Variants in ERV3-1 observed in about 807,000 individuals in gnomAD.
The protein encoded by ERV3-1 is endogenous retrovirus group 3 member 1 Env polyprotein.
A neutral mutation model predicts 24.6 loss-of-function variants in ERV3-1; 36 were observed. The ratio of observed to expected loss-of-function variants is 1.47; its 90% CI spans 1.12 to 1.94. The LOEUF is 1.94. Among genes scored for constraint, ERV3-1 ranks in the 30% most tolerant of loss-of-function variants. ERV3-1 has a pLI of 0.00. For missense variants in ERV3-1, 578 were observed against 330.9 expected, an observed-to-expected ratio of 1.75 and a Z score of -5.79; for synonymous variants, 211 against 122.6, an observed-to-expected ratio of 1.72 and a Z score of -4.76.
Position 64,993,239 on chromosome 7 carries a change from T to C in ERV3-1, c.-213A>G, listed in dbSNP as rs1461541928. ...TGTCTCCTCAAGCTTCAGCCGTGTG[T>C]GGACTGGTCAGCTTCCGGAGTGACC... On this transcript the variant is annotated 5_prime_UTR_variant, in exon 2 of 2. Transcript: ENST00000394323. The C allele has an allele frequency of 1.9e-6, 1 of 538,628 alleles. No individual in the cohort carries two copies. The highest frequency in any genetic ancestry group is 3.3e-6 in the Non-Finnish European group (1 of 301,268). The allele number at this position is 538,628 out of a possible 1,614,324, so 33.4% of individuals were successfully genotyped here.
In ERV3-1 at chr7:65,006,614, G is replaced by A; in HGVS notation, c.-462C>T. On this transcript the variant is annotated 5_prime_UTR_variant, in exon 1 of 2. Transcript: ENST00000394323. ...AATACCTGCAGGTAACGAGGCCACA[G>A]AAGCTGGGCCTCTAGGAGCAGAAGA... is the stretch of plus-strand genomic sequence containing the variant. The A allele has an allele frequency of 1.9e-6, 3 of 1,556,938 alleles. No individual in the cohort carries two copies. Among genetic ancestry groups the A allele is most frequent in the Non-Finnish European group, 2.7e-6 (3 of 1,129,856 alleles).
chr7:65,006,310 C>T (rs992273554), intron 1 of ERV3-1: 85 of 681,136 alleles, frequency 1.2e-4, no homozygotes, highest in Non-Finnish European at 2.0e-4. Context: ...GACTCCAGAA[C>T]AAGGCACAGT....
At chr7:65,001,875 C>G (rs1047863217) in intron 1 of ERV3-1, among the ~76,000 whole-genome samples, 6 of 152,236 alleles carry the variant, frequency 3.9e-5, no homozygotes, top group Admixed American at 3.9e-4. Flanking sequence ...TCTCACAACA[C>G]TGTCTTCACT....
chr7:64,997,457 C>T (rs7803418), intron 1 of ERV3-1, among the ~76,000 whole-genome samples: 145,285 of 152,272 alleles, frequency 0.95, 69,693 homozygotes, highest in East Asian at 1. Context: ...TAAAACTGAC[C>T]AGGACTTTAA....
At chr7:65,003,362 A>G (rs1388475095) in intron 1 of ERV3-1, among the ~76,000 whole-genome samples, 1 of 152,170 alleles carries the variant, frequency 6.6e-6, no homozygotes, top group East Asian at 1.9e-4. Context: ...CCTGCCTGTA[A>G]TCCCAGCTAC....
intron 1 of ERV3-1, among the ~76,000 whole-genome samples, chr7:64,996,236 G>C: frequency 6.6e-6 from 1 of 152,270 alleles, no homozygotes; most frequent in African/African-American, 2.4e-5. Context: ...GAGTGTTCCA[G>C]GGTGACTGGC....
intron 1 of ERV3-1, among the ~76,000 whole-genome samples, chr7:64,993,958 C>T (rs1027183559): frequency 6.6e-6 from 1 of 152,190 alleles, no homozygotes; most frequent in Non-Finnish European, 1.5e-5. Flanking sequence ...CCTAGAGTCA[C>T]AGACAGTCCA....
In ERV3-1 at chr7:65,003,719, A is replaced by C. The variant is rs568724081; in HGVS notation, c.-389+2822T>G. The C allele has an allele frequency of 4.6e-5, 7 of 152,270 alleles. No homozygotes were observed. In the East Asian group the frequency reaches 1.3e-3, roughly 29 times the overall value. 9.4% of individuals were successfully genotyped at this position (152,270 alleles called of 1,614,324 possible). A position where few individuals can be genotyped will look rare whatever the true frequency, so the allele number is the denominator to read the frequency against. ...CAAAAGCATTTATTCCTTTAAGACA[A>C]TATGTTATTATTTCCATTAAAAATC... On this transcript the variant is annotated intron_variant, in intron 1 of 1. Transcript: ENST00000394323.
chr7:65,001,210 T>C (rs934050050), intron 1 of ERV3-1, among the ~76,000 whole-genome samples: 6 of 152,178 alleles, frequency 3.9e-5, no homozygotes, highest in Admixed American at 2.0e-4. Context: ...GGGTGGGGGA[T>C]AGCATAATGT....
chr7:64,996,323 G>T (rs763958602), intron 1 of ERV3-1, among the ~76,000 whole-genome samples: 1 of 152,110 alleles, frequency 6.6e-6, no homozygotes, highest in African/African-American at 2.4e-5. Flanking sequence ...GGGAAAGTGG[G>T]TACTGACAAA....
chr7:65,005,372 C>T (rs1249508218), intron 1 of ERV3-1, among the ~76,000 whole-genome samples: 1 of 152,112 alleles, frequency 6.6e-6, no homozygotes, highest in African/African-American at 2.4e-5. Context: ...GTTTCTGTGG[C>T]TAGAGGCAAT....
chr7:65,006,554 C>G lies in ERV3-1; in HGVS notation c.-402G>C. 1 of 1,576,536 alleles carries G rather than the reference C, an allele frequency of 6.3e-7. No homozygotes were observed. The highest frequency in any genetic ancestry group is 8.7e-7 in the Non-Finnish European group (1 of 1,147,512). ...CGGCACTCTCACCATTTCTAGGCTT[C>G]CAGTGGGTCCTGGCGTCTTAGCTGT... On this transcript the variant is annotated 5_prime_UTR_variant, in exon 1 of 2. Transcript: ENST00000394323.
intron 1 of ERV3-1, among the ~76,000 whole-genome samples, chr7:65,001,034 T>C (rs1786508890): frequency 6.6e-6 from 1 of 151,890 alleles, no homozygotes; most frequent in Non-Finnish European, 1.5e-5. Context: ...TGAGGCCTAG[T>C]TTAGGGTGGA....
rs1470303705 is a variant in ERV3-1 at position 64,993,216 on chromosome 7, TCTC to T, written c.-193_-191del. The T allele has an allele frequency of 1.2e-5, 7 of 574,042 alleles. No individual in the cohort carries two copies. The African/African-American group carries it at 1.3e-4, about 11-fold the overall frequency. The allele number at this position is 574,042 out of a possible 1,614,324, so 35.6% of individuals were successfully genotyped here. A position where few individuals can be genotyped will look rare whatever the true frequency, so the allele number is the denominator to read the frequency against. ...TGGGGTGACTAGAGCAGGGCTGTTGTCTCCTCAAGCTTCAGCCGTGTGTGGACT... is the reference window on the plus strand; with the variant it reads ...TGGGGTGACTAGAGCAGGGCTGTTGTCTCAAGCTTCAGCCGTGTGTGGACT... On this transcript the variant is annotated 5_prime_UTR_variant, in exon 2 of 2. Coordinates refer to ENST00000394323, the MANE Select transcript of ERV3-1 (RefSeq NM_001007253.4).
chr7:64,994,277 G>A (rs112700753), intron 1 of ERV3-1, among the ~76,000 whole-genome samples: 6 of 152,138 alleles, frequency 3.9e-5, no homozygotes, highest in African/African-American at 9.7e-5. Context: ...TCCTAGTAGC[G>A]TTTCTAGTGC....
At chr7:65,002,096 G>A (rs1387836796) in intron 1 of ERV3-1, among the ~76,000 whole-genome samples, 10 of 152,278 alleles carry the variant, frequency 6.6e-5, no homozygotes, top group South Asian at 2.1e-4. Context: ...AAGAAAAGAC[G>A]TGGGGAAAGA....
chr7:64,994,676 G>C (rs1786366268), intron 1 of ERV3-1, among the ~76,000 whole-genome samples: 1 of 152,134 alleles, frequency 6.6e-6, no homozygotes, highest in Non-Finnish European at 1.5e-5. Flanking sequence ...TTATTTCTTT[G>C]CCTGTGGCAG....
At chr7:65,004,511 A>T (rs1429818666) in intron 1 of ERV3-1, 3 of 152,222 alleles carry the variant, frequency 2.0e-5, no homozygotes, top group African/African-American at 4.8e-5. Flanking sequence ...ATAGGATTAG[A>T]TATTTATTTT....
chr7:64,995,279 G>C (rs1394271354), intron 1 of ERV3-1, among the ~76,000 whole-genome samples: 1 of 152,176 alleles, frequency 6.6e-6, no homozygotes, highest in Non-Finnish European at 1.5e-5. Flanking sequence ...CAGCAAGGAG[G>C]CCACCCTAGC....
Sources: gnomAD v4.1 joint callset for allele counts (sites outside exome capture counted in the v4.1 genomes callset) on GRCh38, gnomAD v4.1.1 for gene constraint, MANE v1.5 for transcripts, NCBI Gene and HGNC (gene_info 2026-07-23, HGNC 2026-07-21) for gene names.